Variants in CNTN4 observed in about 807,000 individuals in gnomAD.
The protein encoded by CNTN4 is contactin-4.
CNTN4 carries 77 observed loss-of-function variants against 122.5 expected under a neutral mutation model. The observed-to-expected ratio is 0.63, with a 90% CI of 0.52 to 0.76. The LOEUF (loss-of-function observed/expected upper bound fraction) is 0.76. Among genes scored for constraint, CNTN4 ranks in the 30% least tolerant of loss-of-function variants. The pLI, the probability that CNTN4 is intolerant of heterozygous loss-of-function variation, is 0.00. For synonymous variants in CNTN4, 512 were observed against 447.0 expected (o/e 1.15, Z -1.83); for missense variants, 1,256 against 1,259.1 (o/e 1.00, Z 0.04).
intron 4 of CNTN4, among the ~76,000 whole-genome samples, chr3:2,605,763 C>G (rs2081230848): frequency 2.6e-5 from 4 of 152,140 alleles, no homozygotes; most frequent in African/African-American, 4.8e-5. Flanking sequence ...TACCACAAAA[C>G]CAACCGATGT....
chr3:2,601,146 T>C (rs2081026425), intron 4 of CNTN4, among the ~76,000 whole-genome samples: 1 of 152,184 alleles, frequency 6.6e-6, no homozygotes, highest in Non-Finnish European at 1.5e-5. Flanking sequence ...TCCCATTCTG[T>C]AGGTTGCCTG....
At chr3:2,483,026 A>T (rs2076050203) in intron 3 of CNTN4, among the ~76,000 whole-genome samples, 1 of 151,726 alleles carries the variant, frequency 6.6e-6, no homozygotes, top group Admixed American at 6.5e-5. Context: ...AGATCCACCT[A>T]CAGCTTGTAC....
At chr3:2,428,477 C>A (rs751478023) in intron 3 of CNTN4, among the ~76,000 whole-genome samples, 1 of 152,116 alleles carries the variant, frequency 6.6e-6, no homozygotes, top group Non-Finnish European at 1.5e-5. Context: ...AGCGGGTAAC[C>A]CAACCTTTCT....
chr3:2,756,296 G>A (rs2090337061), intron 6 of CNTN4, among the ~76,000 whole-genome samples: 1 of 152,170 alleles, frequency 6.6e-6, no homozygotes, highest in Admixed American at 6.5e-5. Flanking sequence ...TGGTGATTAG[G>A]TCATGAGGGA....
At chr3:2,694,486 T>A (rs1246554110) in intron 4 of CNTN4, among the ~76,000 whole-genome samples, 2 of 152,106 alleles carry the variant, frequency 1.3e-5, no homozygotes, top group African/African-American at 4.8e-5. Flanking sequence ...CTCGCACCTG[T>A]AATTTCAGGA....
intron 13 of CNTN4, among the ~76,000 whole-genome samples, chr3:2,971,974 G>C (rs939422059): frequency 6.6e-5 from 10 of 152,086 alleles, no homozygotes; most frequent in Non-Finnish European, 1.5e-4. Context: ...AATTATGCTG[G>C]AGATAGGTAT....
chr3:2,609,344 G>T (rs1426868738), intron 4 of CNTN4, among the ~76,000 whole-genome samples: 1 of 152,220 alleles, frequency 6.6e-6, no homozygotes, highest in African/African-American at 2.4e-5. Context: ...TATTCAAGGT[G>T]CCACCTTGGA....
At chr3:2,255,268 G>C (rs185395859) in intron 2 of CNTN4, among the ~76,000 whole-genome samples, 1 of 151,344 alleles carries the variant, frequency 6.6e-6, no homozygotes, top group Non-Finnish European at 1.5e-5. Flanking sequence ...TACCAGTACC[G>C]TGCTGGATTT....
rs1446998430 is a variant in CNTN4, at chr3:2,887,040, T to C, written c.756T>C (p.Asn252=). The change falls in exon 10 of 25, where the codon AAT becomes AAC. Residue 252 remains asparagine, a splice_region_variant and synonymous_variant. Transcript: ENST00000418658. ...CACTCCTTTTTATTCTTGCTATCAG[T>C]CCAGTACCAACTATTATCTGGCGAA... ...TVKLECFALG[N]PVPTIIWRRA... 2 of 1,613,478 alleles carry C rather than the reference T, an allele frequency of 1.2e-6. No homozygotes were observed. Among genetic ancestry groups the C allele is most frequent in the East Asian group, 4.5e-5 (2 of 44,842 alleles).
chr3:2,751,147 CA>C (rs10707841), intron 6 of CNTN4, among the ~76,000 whole-genome samples: 138,550 of 149,172 alleles, frequency 0.93, 64,427 homozygotes, highest in Non-Finnish European at 0.97. Context: ...TAAAAAAATA[CA>C]AAAAAAAAAA....
intron 2 of CNTN4, among the ~76,000 whole-genome samples, chr3:2,283,567 G>A (rs1310814118): frequency 6.6e-6 from 1 of 152,060 alleles, no homozygotes; most frequent in Non-Finnish European, 1.5e-5. Context: ...TAGCTAAACT[G>A]GAAGTAAAGA....
At chr3:2,324,622 C>G (rs536086719) in intron 2 of CNTN4, among the ~76,000 whole-genome samples, 19 of 152,190 alleles carry the variant, frequency 1.2e-4, no homozygotes, top group African/African-American at 4.1e-4. Flanking sequence ...CCATCTATAG[C>G]CAGGACAGGA....
chr3:2,936,502 T>A (rs1233305773), intron 13 of CNTN4, among the ~76,000 whole-genome samples: 1 of 152,156 alleles, frequency 6.6e-6, no homozygotes, highest in Non-Finnish European at 1.5e-5. Context: ...AGACACTAAG[T>A]CTTATGAGAT....
chr3:2,652,370 G>T (rs184644641), intron 4 of CNTN4, among the ~76,000 whole-genome samples: 26 of 152,192 alleles, frequency 1.7e-4, no homozygotes, highest in African/African-American at 5.3e-4. Context: ...AGTGGAAAGT[G>T]GTCTAATAGT....
At chr3:2,767,191 C>G (rs968800762) in intron 6 of CNTN4, among the ~76,000 whole-genome samples, 2 of 152,174 alleles carry the variant, frequency 1.3e-5, no homozygotes, top group African/African-American at 2.4e-5. Flanking sequence ...AAAGTCTTCA[C>G]ACTTTAGAGC....
intron 4 of CNTN4, among the ~76,000 whole-genome samples, chr3:2,735,632 A>G (rs761032942): frequency 6.6e-6 from 1 of 152,212 alleles, no homozygotes; most frequent in African/African-American, 2.4e-5. Flanking sequence ...AGACGTTGGG[A>G]AAACAAAGAA....
intron 2 of CNTN4, among the ~76,000 whole-genome samples, chr3:2,254,650 G>A (rs1224032623): frequency 6.6e-6 from 1 of 152,180 alleles, no homozygotes; most frequent in Non-Finnish European, 1.5e-5. Flanking sequence ...GGGATGATGA[G>A]CGTTTTTTCA....
At chr3:2,902,652 C>A (rs1274821917) in intron 11 of CNTN4, among the ~76,000 whole-genome samples, 1 of 152,192 alleles carries the variant, frequency 6.6e-6, no homozygotes, top group South Asian at 2.1e-4. Context: ...TCAAGAGAAT[C>A]CTACAATTTA....
intron 2 of CNTN4, among the ~76,000 whole-genome samples, chr3:2,175,839 G>A (rs947374390): frequency 2.2e-4 from 33 of 152,310 alleles, no homozygotes; most frequent in African/African-American, 7.7e-4. Context: ...AAAAGGCAGA[G>A]AGAGGGCAAT....
Sources: allele counts gnomAD v4.1 joint callset (sites outside exome capture counted in the v4.1 genomes callset), GRCh38; gene constraint gnomAD v4.1.1; transcripts MANE v1.5; gene names NCBI Gene and HGNC (gene_info 2026-07-23, HGNC 2026-07-21).